The following TRABD2A variants were observed in gnomAD, a reference collection of about 807,000 sequenced individuals.
TRABD2A encodes metalloprotease TIKI1.
TRABD2A carries 43 observed loss-of-function variants against 45.6 expected under a neutral mutation model. That is an observed-to-expected ratio of 0.94 (90% CI 0.74 to 1.22). The LOEUF is 1.22. TRABD2A is among the 50% of genes most tolerant of loss of function. The probability of loss-of-function intolerance (pLI) is 0.00; values close to 1 mark genes in which losing one functional copy is unlikely to be tolerated. For synonymous variants in TRABD2A, 269 were observed against 265.0 expected (o/e 1.02, Z -0.15); for missense variants, 642 against 652.4 (o/e 0.98, Z 0.17).
rs1285879883 is a variant in TRABD2A, at chr2:84,841,842, A to AG, written c.816+18dup. ...TAATTAAATGTGTGCTGAGCTTGGC[A>AG]GGGGGAAAGGGTGCTCACCTGGGAG... On this transcript the variant is annotated intron_variant, in intron 3 of 6. Coordinates refer to ENST00000409520, the MANE Select transcript of TRABD2A (RefSeq NM_001277053.2). The AG allele has an allele frequency of 2.0e-6, 3 of 1,499,624 alleles. No individual in the cohort carries two copies. Among genetic ancestry groups the AG allele is most frequent in the Non-Finnish European group, 2.7e-6 (3 of 1,126,222 alleles). 92.9% of individuals were successfully genotyped at this position (1,499,624 alleles called of 1,614,324 possible). A position where few individuals can be genotyped will look rare whatever the true frequency, so the allele number is the denominator to read the frequency against.
intron 2 of TRABD2A, 140 bp from the exon 3 acceptor site, chr2:84,842,147 C>A (rs972032675): frequency 1.1e-6 from 1 of 877,832 alleles, no homozygotes; most frequent in African/African-American, 1.7e-5. Flanking sequence ...AAAAAGGGAA[C>A]ACAAATCCCT....
intron 2 of TRABD2A, among the ~76,000 whole-genome samples, chr2:84,844,506 AC>A (rs1474632050): frequency 6.6e-6 from 1 of 152,192 alleles, no homozygotes; most frequent in Admixed American, 6.5e-5. Context: ...CAGTGTGAGA[AC>A]AGACTGGTAC....
At chr2:84,872,615 T>G (rs183392747) in intron 1 of TRABD2A, among the ~76,000 whole-genome samples, 2 of 152,356 alleles carry the variant, frequency 1.3e-5, no homozygotes, top group East Asian at 3.9e-4. Context: ...CTTCAGCCTT[T>G]TAAGTAACAT....
intron 4 of TRABD2A, chr2:84,836,637 T>G (rs1278869346): frequency 6.6e-6 from 1 of 152,212 alleles, no homozygotes; most frequent in Admixed American, 6.5e-5. Flanking sequence ...TTCTTTCTTT[T>G]TTTCTCTCCT....
chr2:84,869,753 G>T (rs1178448958), intron 2 of TRABD2A, among the ~76,000 whole-genome samples: 4 of 150,658 alleles, frequency 2.7e-5, no homozygotes, highest in African/African-American at 9.8e-5. Context: ...GCCGAGGCAG[G>T]CAGATCACTT....
At chr2:84,874,715 G>A (rs1375276305) in intron 1 of TRABD2A, 3 of 218,826 alleles carry the variant, frequency 1.4e-5, no homozygotes, top group South Asian at 8.0e-5. Flanking sequence ...GCCCCCCTGC[G>A]TCTGTCTCCA....
chr2:84,840,055 C>T (rs1681655795), intron 3 of TRABD2A, among the ~76,000 whole-genome samples: 1 of 152,094 alleles, frequency 6.6e-6, no homozygotes, highest in Non-Finnish European at 1.5e-5. Flanking sequence ...TGGGTGCATG[C>T]TCTCTCCTCC....
chr2:84,870,082 T>G (rs1682821921), intron 2 of TRABD2A, 143 bp downstream of exon 2: 1 of 883,096 alleles, frequency 1.1e-6, no homozygotes, highest in African/African-American at 1.7e-5. Context: ...ACTTGGCTTT[T>G]TTTTTAACCC....
At chr2:84,867,383 T>C (rs1682715382) in intron 2 of TRABD2A, among the ~76,000 whole-genome samples, 1 of 152,210 alleles carries the variant, frequency 6.6e-6, no homozygotes. Flanking sequence ...GCTAGCCATA[T>C]GTAGAAAGCT....
At chr2:84,873,279 G>A (rs1559099752) in intron 1 of TRABD2A, among the ~76,000 whole-genome samples, 1 of 151,910 alleles carries the variant, frequency 6.6e-6, no homozygotes. Flanking sequence ...AGCCGGACAT[G>A]GTGGCAAGCG....
rs1683178188 is a variant in TRABD2A, at chr2:84,880,806, C to G, written c.108+126G>C. 9.3e-6 allele frequency: 13 copies of G among 1,401,184 alleles called. 1 individual carries two copies. The highest frequency in any genetic ancestry group is 1.3e-5 in the Non-Finnish European group (13 of 1,032,182). The allele number at this position is 1,401,184 out of a possible 1,614,324, so 86.8% of individuals were successfully genotyped here. Reference sequence around the variant, plus strand: ...AGAGCGAGCAAGGAGCGCCGCGGTGCTAGGTGAAAGCCCAGCCGCGGAAGT... The same window carrying G: ...AGAGCGAGCAAGGAGCGCCGCGGTGGTAGGTGAAAGCCCAGCCGCGGAAGT... On this transcript the variant is annotated intron_variant, in intron 1 of 6. Transcript: ENST00000409520.
At chr2:84,870,079 T>C (rs1343718295) in intron 2 of TRABD2A, 146 bp downstream of exon 2, 3 of 641,870 alleles carry the variant, frequency 4.7e-6, no homozygotes, top group Middle Eastern at 4.8e-4. Context: ...ACCACTTGGC[T>C]TTTTTTTTAA....
chr2:84,859,882 G>A (rs565180305), intron 2 of TRABD2A, among the ~76,000 whole-genome samples: 1 of 152,216 alleles, frequency 6.6e-6, no homozygotes, highest in South Asian at 2.1e-4. Context: ...TACATCACAG[G>A]TAGGAAACTG....
intron 1 of TRABD2A, among the ~76,000 whole-genome samples, chr2:84,880,515 G>T (rs1159532837): frequency 6.6e-6 from 1 of 152,228 alleles, no homozygotes; most frequent in African/African-American, 2.4e-5. Context: ...GCTTCAGGGC[G>T]CTGTTAATAT....
intron 5 of TRABD2A, among the ~76,000 whole-genome samples, chr2:84,827,174 A>G (rs1681174469): frequency 6.6e-6 from 1 of 152,164 alleles, no homozygotes; most frequent in Non-Finnish European, 1.5e-5. Flanking sequence ...TCTACCCACA[A>G]AAGCTAAGCC....
chr2:84,842,119 C>T lies in TRABD2A; in HGVS notation c.670-112G>A, dbSNP rs906242944. 7.7e-5 allele frequency: 89 copies of T among 1,149,190 alleles called. 1 individual carries two copies. Among genetic ancestry groups the T allele is most frequent in the East Asian group, 2.4e-4 (9 of 37,162 alleles). 71.2% of individuals were successfully genotyped at this position (1,149,190 alleles called of 1,614,324 possible). On this transcript the variant is annotated intron_variant, in intron 2 of 6. Transcript: ENST00000409520. ...CACCTTTGTGCTCGTTATGTAAGGA[C>T]GTGGATAGTGCTACTTAAAAAAGGG...
chr2:84,855,268 C>G (rs960375831), intron 2 of TRABD2A, among the ~76,000 whole-genome samples: 1 of 152,062 alleles, frequency 6.6e-6, no homozygotes, highest in Non-Finnish European at 1.5e-5. Flanking sequence ...CAGGAGACCA[C>G]AAGAAAAGAA....
At chr2:84,823,909 A>C in intron 6 of TRABD2A, 44 bp downstream of exon 6, 1 of 1,604,914 alleles carries the variant, frequency 6.2e-7, no homozygotes, top group Middle Eastern at 2.2e-4. Flanking sequence ...TCCGCTCACT[A>C]GGGTAAAGGT....
rs1389999875 is a variant in TRABD2A, at chr2:84,845,154, C to G, written c.670-3147G>C. Among the ~76,000 whole-genome samples, 4 of 152,076 alleles carry G rather than the reference C, an allele frequency of 2.6e-5. 1 individual carries two copies. In the East Asian group the frequency reaches 5.8e-4, roughly 22 times the overall value. The stretch of plus-strand genomic sequence containing the variant: ...TCCCTTGAGGTCAGGAGTTCAAGAC[C>G]AGCCTGGCCAACATGGTAAAACCCT... On this transcript the variant is annotated intron_variant, in intron 2 of 6. Coordinates refer to ENST00000409520, the MANE Select transcript of TRABD2A (RefSeq NM_001277053.2).
Sources: allele counts gnomAD v4.1 joint callset (sites outside exome capture counted in the v4.1 genomes callset), GRCh38; gene constraint gnomAD v4.1.1; transcripts MANE v1.5; gene names NCBI Gene and HGNC (gene_info 2026-07-23, HGNC 2026-07-21).